Variants in ATF6 observed in about 807,000 individuals in gnomAD.
The protein encoded by ATF6 is activating transcription factor 6, also known as cyclic AMP-dependent transcription factor ATF-6 alpha.
ATF6 carries 53 observed loss-of-function variants against 83.6 expected under a neutral mutation model. The observed-to-expected ratio is 0.63, with a 90% CI of 0.51 to 0.80. The LOEUF (loss-of-function observed/expected upper bound fraction) is 0.80, where lower values mean the gene tolerates loss of function less well. ATF6 is among the 30% of genes least tolerant of loss of function. The pLI is 0.00. For synonymous variants in ATF6, 288 were observed against 285.8 expected (o/e 1.01, Z -0.08); for missense variants, 744 against 797.9 (o/e 0.93, Z 0.81).
intron 6 of ATF6, 46 bp downstream of exon 6, chr1:161,792,373 G>A: frequency 6.5e-7 from 1 of 1,531,970 alleles, no homozygotes; most frequent in Non-Finnish European, 9.0e-7. Context: ...TTGGAGGGCA[G>A]TAAGGGTTGT....
chr1:161,812,317 T>C (rs1184745103), intron 7 of ATF6, among the ~76,000 whole-genome samples: 2 of 146,528 alleles, frequency 1.4e-5, no homozygotes, highest in Non-Finnish European at 3.0e-5. Context: ...GTGTGTGTTT[T>C]AATTTTAAAA....
At chr1:161,814,207 C>T (rs1685551983) in intron 7 of ATF6, among the ~76,000 whole-genome samples, 1 of 152,164 alleles carries the variant, frequency 6.6e-6, no homozygotes, top group South Asian at 2.1e-4. Flanking sequence ...TCTGAAGACA[C>T]GTGAAGCAGT....
rs114354650 is a variant in ATF6, at chr1:161,868,794, G to A, written c.1719+5482G>A. 9.8e-3 allele frequency among the ~76,000 whole-genome samples: 1,471 copies of A among 150,422 alleles called. 14 individuals are homozygous for A. Among genetic ancestry groups the A allele is most frequent in the South Asian group, 0.022 (102 of 4,724 alleles). ...TTTTGTCCATTTATGATTTGCACTAGCCAGATATCATCAGCTTATTCTTGT... is the reference window on the plus strand; with the variant it reads ...TTTTGTCCATTTATGATTTGCACTAACCAGATATCATCAGCTTATTCTTGT... On this transcript the variant is annotated intron_variant, in intron 14 of 15. Coordinates refer to ENST00000367942, the MANE Select transcript of ATF6 (RefSeq NM_007348.4).
At chr1:161,924,242 C>T (rs899187514) in intron 15 of ATF6, among the ~76,000 whole-genome samples, 14 of 152,156 alleles carry the variant, frequency 9.2e-5, no homozygotes, top group African/African-American at 3.1e-4. Flanking sequence ...TCAGCAGTTA[C>T]ATGATACTTT....
At position 161,959,834 on chromosome 1, in the gene ATF6, ACAAAGCTTT is replaced by A. The variant is rs1174742200; in HGVS notation, c.*1183_*1191del. 5.9e-5 allele frequency: 9 copies of A among 152,212 alleles called. No individual in the cohort carries two copies. Among genetic ancestry groups the A allele is most frequent in the Admixed American group, 5.2e-4 (8 of 15,290 alleles). The allele number at this position is 152,212 out of a possible 1,614,324, so 9.4% of individuals were successfully genotyped here. A position where few individuals can be genotyped will look rare whatever the true frequency, so the allele number is the denominator to read the frequency against. The stretch of plus-strand genomic sequence containing the variant: ...GGTCCAGGTCCTCATGGACCACAGG[ACAAAGCTTT>A]CATTTTCATTCATTCTTCTATTGAA... On this transcript the variant is annotated 3_prime_UTR_variant, in exon 16 of 16. Transcript: ENST00000367942.
intron 13 of ATF6, among the ~76,000 whole-genome samples, chr1:161,861,258 A>G (rs1686880467): frequency 1.3e-5 from 2 of 152,194 alleles, no homozygotes; most frequent in African/African-American, 4.8e-5. Flanking sequence ...TTTACTTAGA[A>G]TATACTGTGT....
intron 15 of ATF6, among the ~76,000 whole-genome samples, chr1:161,912,885 AAAT>A (rs1571232511): frequency 6.6e-6 from 1 of 152,196 alleles, no homozygotes; most frequent in Non-Finnish European, 1.5e-5. Flanking sequence ...AACAAAATAC[AAAT>A]AATAATATAA....
chr1:161,846,944 A>G (rs1030020383), intron 10 of ATF6, among the ~76,000 whole-genome samples: 3 of 152,044 alleles, frequency 2.0e-5, no homozygotes, highest in African/African-American at 4.8e-5. Context: ...GTGGATGGAT[A>G]TGATATGGTG....
chr1:161,904,356 A>G (rs7517386), intron 14 of ATF6, among the ~76,000 whole-genome samples: 137,475 of 152,216 alleles, frequency 0.9, 62,246 homozygotes, highest in African/African-American at 0.96. Context: ...GGGAGGCTGA[A>G]GTGGGTGGAT....
At chr1:161,837,653 A>G (rs1686255923) in intron 9 of ATF6, among the ~76,000 whole-genome samples, 1 of 150,678 alleles carries the variant, frequency 6.6e-6, no homozygotes, top group Admixed American at 6.6e-5. Context: ...TAACAATGAG[A>G]GATAAATGGA....
chr1:161,877,699 A>T (rs1267459517), intron 14 of ATF6, among the ~76,000 whole-genome samples: 1 of 152,190 alleles, frequency 6.6e-6, no homozygotes, highest in African/African-American at 2.4e-5. Context: ...TCACTGCTAC[A>T]TGGACAATGC....
chr1:161,823,523 C>T (rs529458143), intron 9 of ATF6, among the ~76,000 whole-genome samples: 59 of 152,218 alleles, frequency 3.9e-4, no homozygotes, highest in Non-Finnish European at 6.6e-4. Context: ...TACATTCTTT[C>T]CTCCAAGTTA....
chr1:161,897,488 C>G (rs549869229), intron 14 of ATF6, among the ~76,000 whole-genome samples: 15 of 152,264 alleles, frequency 9.9e-5, no homozygotes, highest in African/African-American at 3.6e-4. Context: ...CCCCCACCTT[C>G]TAACCTTCAG....
intron 14 of ATF6, among the ~76,000 whole-genome samples, chr1:161,898,407 G>A (rs749026833): frequency 5.9e-5 from 9 of 152,078 alleles, no homozygotes; most frequent in African/African-American, 1.9e-4. Flanking sequence ...CTGGTGCCTC[G>A]AGAGTACCTA....
chr1:161,772,194 T>G (rs569481125), intron 1 of ATF6, among the ~76,000 whole-genome samples: 1 of 152,336 alleles, frequency 6.6e-6, no homozygotes, highest in East Asian at 1.9e-4. Flanking sequence ...TGTCACTATT[T>G]CCTTCCTTTC....
intron 15 of ATF6, among the ~76,000 whole-genome samples, chr1:161,930,600 G>A (rs963133743): frequency 1.3e-5 from 2 of 152,148 alleles, no homozygotes; most frequent in African/African-American, 4.8e-5. Flanking sequence ...TTGATTTGGT[G>A]ATGGAAAATC....
At chr1:161,844,437 T>A (rs1209070445) in intron 9 of ATF6, among the ~76,000 whole-genome samples, 3 of 151,334 alleles carry the variant, frequency 2.0e-5, no homozygotes, top group Non-Finnish European at 2.9e-5. Context: ...GGAAGTTTTT[T>A]TGTTTTTTGT....
intron 10 of ATF6, among the ~76,000 whole-genome samples, chr1:161,850,404 G>C (rs1454843034): frequency 6.6e-6 from 1 of 151,962 alleles, no homozygotes; most frequent in Non-Finnish European, 1.5e-5. Flanking sequence ...TTTCTATAGA[G>C]GCGGCGTCTT....
At chr1:161,814,696 AG>A (rs1249775140) in intron 7 of ATF6, among the ~76,000 whole-genome samples, 6 of 152,206 alleles carry the variant, frequency 3.9e-5, no homozygotes. Context: ...TGAGAAGAGT[AG>A]AGATAGTGAA....
Sources: allele counts gnomAD v4.1 joint callset (sites outside exome capture counted in the v4.1 genomes callset), GRCh38; gene constraint gnomAD v4.1.1; transcripts MANE v1.5; gene names NCBI Gene and HGNC (gene_info 2026-07-23, HGNC 2026-07-21).